PATJ: variants seen among roughly 807,000 people sequenced by gnomAD.
The protein encoded by PATJ is inaD-like protein.
A neutral mutation model predicts 224.9 loss-of-function variants in PATJ; 190 were observed. That is an observed-to-expected ratio of 0.84 (90% CI 0.75 to 0.95). The LOEUF is 0.95. PATJ is among the 40% of genes least tolerant of loss of function. PATJ has a pLI of 0.00. For synonymous variants in PATJ, 769 were observed against 820.3 expected, an observed-to-expected ratio of 0.94 and a Z score of 1.07; for missense variants, 2,121 against 2,270.3, an observed-to-expected ratio of 0.93 and a Z score of 1.34.
chr1:61,986,385 G>A (rs999167935), intron 27 of PATJ, among the ~76,000 whole-genome samples: 1 of 152,092 alleles, frequency 6.6e-6, no homozygotes, highest in Middle Eastern at 3.4e-3. Context: ...AAACCTGTCT[G>A]CAGTTATTTT....
chr1:62,117,506 T>TTA, intron 37 of PATJ: 2 of 639,860 alleles, frequency 3.1e-6, no homozygotes, highest in Non-Finnish European at 4.0e-6. Flanking sequence ...TGTGTTTATT[T>TTA]AAAAAAAAAA....
intron 21 of PATJ, among the ~76,000 whole-genome samples, chr1:61,876,981 A>G (rs1227035288): frequency 6.6e-6 from 1 of 152,188 alleles, no homozygotes; most frequent in Non-Finnish European, 1.5e-5. Context: ...TTAGTGTTAC[A>G]AGATTTTGGA....
At chr1:61,915,466 T>C (rs1443477215) in intron 26 of PATJ, among the ~76,000 whole-genome samples, 1 of 152,124 alleles carries the variant, frequency 6.6e-6, no homozygotes, top group Non-Finnish European at 1.5e-5. Flanking sequence ...CTTAGACATG[T>C]CTTAACTATT....
chr1:62,093,963 A>G (rs1661088389), intron 33 of PATJ, among the ~76,000 whole-genome samples: 1 of 152,200 alleles, frequency 6.6e-6, no homozygotes, highest in Non-Finnish European at 1.5e-5. Context: ...AAAACCTTTT[A>G]ATATATTTAC....
At position 61,830,108 on chromosome 1, in the gene PATJ, T is replaced by C. The variant is rs75586074; in HGVS notation, c.1980+2525T>C. On this transcript the variant is annotated intron_variant, in intron 16 of 43. Coordinates refer to ENST00000642238, the MANE Select transcript of PATJ (RefSeq NM_001350145.3). ...CCAATCCTAATTTAAAAAATGTTTT[T>C]CTACCCCATAGTCTCTTGCCCAAAG... is the stretch of plus-strand genomic sequence containing the variant. 7.3e-3 allele frequency among the ~76,000 whole-genome samples: 1,107 copies of C among 152,298 alleles called. 8 individuals carry two copies. The highest frequency in any genetic ancestry group is 0.013 in the Non-Finnish European group (865 of 68,018).
At chr1:62,036,041 C>T (rs1650318176) in intron 29 of PATJ, among the ~76,000 whole-genome samples, 2 of 151,894 alleles carry the variant, frequency 1.3e-5, no homozygotes, top group South Asian at 4.2e-4. Flanking sequence ...CATAAGTGAG[C>T]AAGGGGAAGA....
intron 27 of PATJ, among the ~76,000 whole-genome samples, chr1:61,930,006 A>G (rs186079505): frequency 6.6e-6 from 1 of 152,322 alleles, no homozygotes; most frequent in East Asian, 1.9e-4. Context: ...TGGGGTCAGG[A>G]AGGAGGCTAA....
chr1:61,988,772 C>G (rs1644903857), intron 27 of PATJ, among the ~76,000 whole-genome samples: 1 of 152,110 alleles, frequency 6.6e-6, no homozygotes, highest in Non-Finnish European at 1.5e-5. Flanking sequence ...ACTTATAAAG[C>G]AGTGTTTGTT....
chr1:61,951,421 A>G (rs1325113225), intron 27 of PATJ, among the ~76,000 whole-genome samples: 1 of 152,108 alleles, frequency 6.6e-6, no homozygotes, highest in Non-Finnish European at 1.5e-5. Flanking sequence ...TACTCATATG[A>G]TACAGTGATC....
chr1:61,744,396 G>A (rs1644919796), intron 1 of PATJ, among the ~76,000 whole-genome samples: 1 of 151,188 alleles, frequency 6.6e-6, no homozygotes, highest in African/African-American at 2.4e-5. Flanking sequence ...TCCTTCTTGA[G>A]ACCGATCTTT....
chr1:61,905,688 G>T (rs1415325197), intron 24 of PATJ, among the ~76,000 whole-genome samples: 2 of 152,112 alleles, frequency 1.3e-5, no homozygotes, highest in Non-Finnish European at 2.9e-5. Context: ...TTCCAGAGTG[G>T]CTGGCTATAC....
At chr1:61,837,653 G>A (rs541089022) in intron 17 of PATJ, among the ~76,000 whole-genome samples, 2 of 152,152 alleles carry the variant, frequency 1.3e-5, no homozygotes, top group African/African-American at 4.8e-5. Context: ...AGCCAGGCGT[G>A]GTGGTGCATG....
chr1:62,039,193 C>T (rs1651007074), intron 30 of PATJ: 2 of 489,516 alleles, frequency 4.1e-6, no homozygotes, highest in Non-Finnish European at 7.9e-6. Context: ...TACTAAAGTT[C>T]CAGTAGTTAG....
intron 14 of PATJ, among the ~76,000 whole-genome samples, chr1:61,814,130 C>CTTTTTTTTTTT (rs762502160): frequency 1.6e-4 from 14 of 85,908 alleles, no homozygotes; most frequent in African/African-American, 1.9e-4. Flanking sequence ...TTATTCTCTT[C>CTTTTTTTTTTT]TTTTTTTTTT....
chr1:62,106,684 C>A (rs1056902767), intron 33 of PATJ, among the ~76,000 whole-genome samples: 10 of 152,076 alleles, frequency 6.6e-5, no homozygotes, highest in Non-Finnish European at 1.3e-4. Context: ...CAAAGGGTAC[C>A]AACCAAACAC....
intron 27 of PATJ, among the ~76,000 whole-genome samples, chr1:61,936,336 A>G (rs1033927756): frequency 2.0e-5 from 3 of 149,998 alleles, no homozygotes; most frequent in African/African-American, 4.9e-5. Flanking sequence ...AAAATATTCT[A>G]TATTCAAGTT....
intron 17 of PATJ, among the ~76,000 whole-genome samples, chr1:61,850,553 A>G (rs185065810): frequency 6.6e-6 from 1 of 152,182 alleles, no homozygotes; most frequent in Non-Finnish European, 1.5e-5. Flanking sequence ...TATTTAGGGG[A>G]TTCAGTTTTA....
chr1:62,084,795 A>C, intron 33 of PATJ, 147 bp downstream of exon 33: 8 of 841,352 alleles, frequency 9.5e-6, no homozygotes, highest in Non-Finnish European at 1.5e-5. Flanking sequence ...TCCATAGTCT[A>C]GCTAGTTTTC....
In PATJ at chr1:61,991,534, A is replaced by G. The variant is rs147334772; in HGVS notation, c.3867+1170A>G. 630 of 985,366 alleles carry G rather than the reference A, an allele frequency of 6.4e-4. 1 individual carries two copies. The Middle Eastern group carries it at 6.8e-3, about 11-fold the overall frequency. The allele number at this position is 985,366 out of a possible 1,614,324, so 61.0% of individuals were successfully genotyped here. A position where few individuals can be genotyped will look rare whatever the true frequency, so the allele number is the denominator to read the frequency against. ...CATCCATAATTTTACTTGCCTAATA[A>G]TAACTACTGCCACAGCTGGCCAGGT... On this transcript the variant is annotated intron_variant, in intron 28 of 43. Transcript: ENST00000642238.
Sources: allele counts gnomAD v4.1 joint callset (sites outside exome capture counted in the v4.1 genomes callset), GRCh38; gene constraint gnomAD v4.1.1; transcripts MANE v1.5; gene names NCBI Gene and HGNC (gene_info 2026-07-23, HGNC 2026-07-21).